Variants in GNAO1 observed in about 807,000 individuals in gnomAD.
GNAO1 encodes the protein G protein subunit alpha o1.
For synonymous variants in GNAO1, 164 were observed against 180.7 expected (o/e 0.91, Z 0.74); for missense variants, 166 against 478.7 (o/e 0.35, Z 6.10).
At chr16:56,308,187 C>G (rs532305825) in intron 3 of GNAO1, 1 of 152,216 alleles carries the variant, frequency 6.6e-6, no homozygotes, top group South Asian at 2.1e-4. Flanking sequence ...CTGTGTGTCC[C>G]CAAAGAGTGG....
At chr16:56,346,645 C>T in intron 6 of GNAO1, 1 of 985,418 alleles carries the variant, frequency 1.0e-6, no homozygotes, top group Non-Finnish European at 1.2e-6. Flanking sequence ...ACAGCTTTGG[C>T]ATTCTGGGTT....
chr16:56,344,740 G>C (rs1450757883), intron 6 of GNAO1: 8 of 985,390 alleles, frequency 8.1e-6, no homozygotes, highest in African/African-American at 1.7e-5. Context: ...CAGGCCAAAG[G>C]GTGACCCATT....
chr16:56,332,299 C>T (rs1286502270), intron 4 of GNAO1, among the ~76,000 whole-genome samples: 3 of 152,206 alleles, frequency 2.0e-5, no homozygotes, highest in Non-Finnish European at 4.4e-5. Context: ...CCCAGCCTCA[C>T]CCACCACCTG....
chr16:56,288,263 G>A (rs1483973080), intron 3 of GNAO1, among the ~76,000 whole-genome samples: 2 of 152,242 alleles, frequency 1.3e-5, no homozygotes, highest in Non-Finnish European at 2.9e-5. Context: ...AGCTCAGCTG[G>A]CGAGCAGGTG....
At chr16:56,328,235 C>T (rs1461127112) in intron 3 of GNAO1, among the ~76,000 whole-genome samples, 2 of 152,162 alleles carry the variant, frequency 1.3e-5, no homozygotes, top group Non-Finnish European at 2.9e-5. Context: ...ACAAAATAAC[C>T]GAGTTTTCAG....
At chr16:56,328,973 C>G (rs539127991) in intron 4 of GNAO1, 182 bp downstream of exon 4, 1 of 602,156 alleles carries the variant, frequency 1.7e-6, no homozygotes. Flanking sequence ...TCCTGCACCC[C>G]AGGAGGAGAA....
intron 2 of GNAO1, among the ~76,000 whole-genome samples, chr16:56,196,134 GT>G (rs1223966936): frequency 6.6e-6 from 1 of 151,902 alleles, no homozygotes; most frequent in Admixed American, 6.6e-5. Flanking sequence ...AGTGTTTTGG[GT>G]TCCCCCCCCC....
intron 2 of GNAO1, among the ~76,000 whole-genome samples, chr16:56,209,118 A>T (rs2036360749): frequency 6.6e-6 from 1 of 151,772 alleles, no homozygotes; most frequent in Non-Finnish European, 1.5e-5. Context: ...AAAGCTTTGG[A>T]GATTTATTTT....
At chr16:56,309,911 G>T (rs1459750884) in intron 3 of GNAO1, among the ~76,000 whole-genome samples, 1 of 152,184 alleles carries the variant, frequency 6.6e-6, no homozygotes, top group African/African-American at 2.4e-5. Flanking sequence ...CATTTTCATG[G>T]ATATTAGAAA....
chr16:56,328,887 G>A (rs144641076), intron 4 of GNAO1, 96 bp downstream of exon 4: 4 of 1,303,092 alleles, frequency 3.1e-6, no homozygotes, highest in African/African-American at 1.4e-5. Context: ...GAGGATTCTC[G>A]GCTGAGGTCA....
At chr16:56,209,603 A>G (rs1195539317) in intron 2 of GNAO1, among the ~76,000 whole-genome samples, 1 of 152,242 alleles carries the variant, frequency 6.6e-6, no homozygotes, top group African/African-American at 2.4e-5. Context: ...ATCCATGAGC[A>G]TGATATGTTT....
Position 56,275,937 on chromosome 16 carries a change from C to T in GNAO1, c.168C>T (p.Ile56=), listed in dbSNP as rs1351677014. The T allele has an allele frequency of 1.2e-6, 2 of 1,612,756 alleles. No individual in the cohort carries two copies. Among genetic ancestry groups the T allele is most frequent in the Admixed American group, 1.7e-5 (1 of 59,864 alleles). The part of the protein sequence containing the change: ...KSTIVKQMKI[I]HEDGFSGEDV... ...GTGTGTGGTTTTTCTCTAGGATCAT[C>T]CATGAAGATGGCTTCTCCGGAGAAG... is the stretch of plus-strand genomic sequence containing the variant. Residue 56 remains isoleucine, a synonymous_variant, in exon 3 of 9, where the codon ATC becomes ATT. Coordinates refer to ENST00000262493, the MANE Select transcript of GNAO1 (RefSeq NM_020988.3).
intron 2 of GNAO1, among the ~76,000 whole-genome samples, chr16:56,243,347 G>C (rs1166297160): frequency 6.6e-6 from 1 of 152,152 alleles, no homozygotes; most frequent in African/African-American, 2.4e-5. Context: ...GTTGGGGACT[G>C]CTGCTTTAGA....
At chr16:56,339,534 A>C (rs2037778585) in intron 6 of GNAO1, among the ~76,000 whole-genome samples, 1 of 152,220 alleles carries the variant, frequency 6.6e-6, no homozygotes, top group South Asian at 2.1e-4. Flanking sequence ...AGCGCTGTGC[A>C]TCCCTCTCTG....
At chr16:56,331,080 A>G (rs2037684255) in intron 4 of GNAO1, among the ~76,000 whole-genome samples, 1 of 152,204 alleles carries the variant, frequency 6.6e-6, no homozygotes, top group Non-Finnish European at 1.5e-5. Context: ...TTGTGCTGGA[A>G]AGGAGAGGGA....
chr16:56,249,245 G>A (rs544365605), intron 2 of GNAO1, among the ~76,000 whole-genome samples: 5 of 152,162 alleles, frequency 3.3e-5, no homozygotes, highest in Admixed American at 2.6e-4. Context: ...ACATGGAATG[G>A]GGGGGAACAA....
At chr16:56,309,410 C>T (rs1428410935) in intron 3 of GNAO1, among the ~76,000 whole-genome samples, 1 of 152,138 alleles carries the variant, frequency 6.6e-6, no homozygotes, top group African/African-American at 2.4e-5. Context: ...AGCCAAGGAA[C>T]GTGTGGGTGC....
At chr16:56,290,214 G>C (rs926764892) in intron 3 of GNAO1, among the ~76,000 whole-genome samples, 3 of 152,218 alleles carry the variant, frequency 2.0e-5, no homozygotes, top group East Asian at 3.9e-4. Flanking sequence ...CTGACTCTCC[G>C]AATAGGCTGG....
At position 56,333,298 on chromosome 16, in the gene GNAO1, C is replaced by T. The variant is rs142803887; in HGVS notation, c.465-1431C>T. ...CACGATCTCAACTCACTGCAACCTC[C>T]GCCTCCTGGGTTGAAGCGATTCTCC... On this transcript the variant is annotated intron_variant, in intron 4 of 8. Transcript: ENST00000262493. Among the ~76,000 whole-genome samples, 634 of 151,870 alleles carry T rather than the reference C, an allele frequency of 4.2e-3. 7 individuals carry two copies. The highest frequency in any genetic ancestry group is 0.014 in the African/African-American group (597 of 41,406).
Sources: gnomAD v4.1 joint callset for allele counts (sites outside exome capture counted in the v4.1 genomes callset) on GRCh38, gnomAD v4.1.1 for gene constraint, MANE v1.5 for transcripts, NCBI Gene and HGNC (gene_info 2026-07-23, HGNC 2026-07-21) for gene names.